The following PELI2 variants were observed in gnomAD, a reference collection of about 807,000 sequenced individuals.
PELI2 encodes pellino E3 ubiquitin protein ligase family member 2, also known as E3 ubiquitin-protein ligase pellino homolog 2.
PELI2 carries 23 observed loss-of-function variants against 42.3 expected under a neutral mutation model. The observed-to-expected ratio is 0.54, with a 90% CI of 0.39 to 0.77. The LOEUF is 0.77. Among genes scored for constraint, PELI2 ranks in the 30% least tolerant of loss-of-function variants. The pLI is 0.00. For synonymous variants in PELI2, 245 were observed against 212.2 expected (o/e 1.15, Z -1.34); for missense variants, 463 against 553.2 (o/e 0.84, Z 1.64).
In PELI2 at chr14:56,279,696, A is replaced by G. The variant is rs765837768; in HGVS notation, c.228A>G (p.Gln76=). The G allele has an allele frequency of 2.5e-6, 4 of 1,593,548 alleles. No homozygotes were observed. Among genetic ancestry groups the G allele is most frequent in the East Asian group, 2.2e-5 (1 of 44,486 alleles). The change falls in exon 3 of 6, where the codon CAA becomes CAG. Residue 76 remains glutamine (Q), a synonymous_variant. Transcript: ENST00000267460. ...ATTAGGCTATCAGCTGCAAAGGTCA[A>G]CACAGTATATCCTACACTTTGTCAA... ...QASKAISCKG[Q]HSISYTLSRN... is the part of the protein sequence containing the mutation.
intron 2 of PELI2, among the ~76,000 whole-genome samples, chr14:56,274,907 A>G (rs10483656): frequency 0.16 from 24,585 of 152,210 alleles, 2,169 homozygotes; most frequent in African/African-American, 0.2. Context: ...TTTTAACCTA[A>G]TAACATTTAT....
intron 2 of PELI2, among the ~76,000 whole-genome samples, chr14:56,252,613 AGAG>A (rs1192895824): frequency 2.0e-5 from 3 of 152,182 alleles, no homozygotes; most frequent in African/African-American, 7.2e-5. Context: ...GGTGAGAGGA[AGAG>A]GAGAACAGCT....
At chr14:56,146,606 CAG>C (rs1354048318) in intron 1 of PELI2, among the ~76,000 whole-genome samples, 2 of 152,128 alleles carry the variant, frequency 1.3e-5, no homozygotes, top group African/African-American at 4.8e-5. Context: ...GCAGGACTAA[CAG>C]AATGTACACA....
At chr14:56,196,285 G>T in intron 2 of PELI2, among the ~76,000 whole-genome samples, 1 of 152,082 alleles carries the variant, frequency 6.6e-6, no homozygotes, top group African/African-American at 2.4e-5. Flanking sequence ...CGGTGAAATT[G>T]TGAACCCTGA....
In PELI2 at chr14:56,118,568, T is replaced by C. The variant is rs958400055; in HGVS notation, c.-93T>C. ...CTTCCCCGGCGCGCTCACCCCGTTC[T>C]CGGGATGGGATTGTAGCGGCGGCGC... On this transcript the variant is annotated 5_prime_UTR_variant, in exon 1 of 6. Coordinates refer to ENST00000267460, the MANE Select transcript of PELI2 (RefSeq NM_021255.3). 2.8e-5 allele frequency: 22 copies of C among 797,754 alleles called. No individual in the cohort carries two copies. The African/African-American group carries it at 4.0e-4, about 15-fold the overall frequency. The allele number at this position is 797,754 out of a possible 1,614,324, so 49.4% of individuals were successfully genotyped here.
intron 3 of PELI2, among the ~76,000 whole-genome samples, chr14:56,282,158 G>A (rs971203682): frequency 6.6e-6 from 1 of 152,044 alleles, no homozygotes; most frequent in South Asian, 2.1e-4. Context: ...CAACCTAAAT[G>A]TTCTTCAGTA....
At chr14:56,255,972 G>T (rs1056825547) in intron 2 of PELI2, among the ~76,000 whole-genome samples, 3 of 152,088 alleles carry the variant, frequency 2.0e-5, no homozygotes, top group African/African-American at 7.2e-5. Context: ...ACTTTACAGG[G>T]TGCTCTTTGT....
At position 56,297,251 on chromosome 14, in the gene PELI2, C is replaced by G; in HGVS notation, c.*85C>G. The G allele has an allele frequency of 1.1e-6, 1 of 875,934 alleles. No homozygotes were observed. The highest frequency in any genetic ancestry group is 1.8e-6 in the Non-Finnish European group (1 of 569,286). 54.3% of individuals were successfully genotyped at this position (875,934 alleles called of 1,614,324 possible). ...CTCTAGATTTTACCTTTTTGTAATG[C>G]TGTTTATCAGAGGAGGGTGACAGGG... is the stretch of plus-strand genomic sequence containing the variant. On this transcript the variant is annotated 3_prime_UTR_variant, in exon 6 of 6. Coordinates refer to ENST00000267460, the MANE Select transcript of PELI2 (RefSeq NM_021255.3).
chr14:56,230,677 A>G (rs1378327545), intron 2 of PELI2, among the ~76,000 whole-genome samples: 1 of 152,232 alleles, frequency 6.6e-6, no homozygotes, highest in East Asian at 1.9e-4. Flanking sequence ...TGATGCTAGG[A>G]AGAAACTCCA....
In PELI2 at chr14:56,156,787, A is replaced by G. The variant is rs7154160; in HGVS notation, c.78-21548A>G. ...TGGCTGCATATGGCTAGTGGCTACT[A>G]TGTTGGACAATACGGATCTATACAA... is the stretch of plus-strand genomic sequence containing the variant. On this transcript the variant is annotated intron_variant, in intron 1 of 5. Coordinates refer to ENST00000267460, the MANE Select transcript of PELI2 (RefSeq NM_021255.3). Among the ~76,000 whole-genome samples, 1,152 of 152,300 alleles carry G rather than the reference A, an allele frequency of 7.6e-3. 17 individuals carry two copies. Among genetic ancestry groups the G allele is most frequent in the African/African-American group, 0.027 (1,102 of 41,560 alleles).
At chr14:56,172,339 G>C (rs1885208316) in intron 1 of PELI2, among the ~76,000 whole-genome samples, 1 of 152,220 alleles carries the variant, frequency 6.6e-6, no homozygotes, top group African/African-American at 2.4e-5. Context: ...GGCCTGCCCA[G>C]CATGGTGGTC....
rs530631114 is a variant in PELI2, at chr14:56,181,802, C to G, written c.207+3338C>G. Among the ~76,000 whole-genome samples, 4 of 152,006 alleles carry G rather than the reference C, an allele frequency of 2.6e-5. No individual in the cohort carries two copies. In the South Asian group the frequency reaches 8.3e-4, roughly 32 times the overall value. On this transcript the variant is annotated intron_variant, in intron 2 of 5. Transcript: ENST00000267460. ...GTGTTTATTCATGTATGTATTTGCT[C>G]TTAGAATAATACTCAGAGGTATTTC... is the stretch of plus-strand genomic sequence containing the variant.
chr14:56,206,780 C>T (rs1018886766), intron 2 of PELI2, among the ~76,000 whole-genome samples: 2 of 151,936 alleles, frequency 1.3e-5, no homozygotes, highest in Non-Finnish European at 2.9e-5. Flanking sequence ...GTTTATGGCT[C>T]TTATACACTG....
At chr14:56,272,422 C>G (rs1889138963) in intron 2 of PELI2, among the ~76,000 whole-genome samples, 1 of 141,412 alleles carries the variant, frequency 7.1e-6, no homozygotes, top group Middle Eastern at 3.4e-3. Context: ...AGGCATACCT[C>G]TTGGTATACA....
intron 2 of PELI2, among the ~76,000 whole-genome samples, chr14:56,236,641 G>A (rs180733917): frequency 8.5e-5 from 13 of 152,198 alleles, no homozygotes; most frequent in African/African-American, 3.1e-4. Context: ...AAGCCTATCT[G>A]GGGTAATTCT....
intron 1 of PELI2, among the ~76,000 whole-genome samples, chr14:56,148,400 A>G (rs995352234): frequency 5.9e-5 from 9 of 152,270 alleles, no homozygotes; most frequent in South Asian, 2.1e-4. Context: ...CAAATGTTCC[A>G]TGGTGTAAAA....
At chr14:56,228,860 C>T (rs1238040197) in intron 2 of PELI2, among the ~76,000 whole-genome samples, 1 of 152,202 alleles carries the variant, frequency 6.6e-6, no homozygotes, top group African/African-American at 2.4e-5. Flanking sequence ...CAAGGGAAGC[C>T]GTCACAGACG....
chr14:56,155,561 GT>G (rs1477334825), intron 1 of PELI2, among the ~76,000 whole-genome samples: 1 of 150,028 alleles, frequency 6.7e-6, no homozygotes, highest in Admixed American at 6.7e-5. Flanking sequence ...CTGGCTTTTG[GT>G]TTTTGTTCTC....
intron 1 of PELI2, among the ~76,000 whole-genome samples, chr14:56,157,552 CA>C (rs1344358863): frequency 6.6e-6 from 1 of 152,102 alleles, no homozygotes; most frequent in Non-Finnish European, 1.5e-5. Flanking sequence ...AAAAATCTCT[CA>C]GGGGTAATTG....
Sources: allele counts gnomAD v4.1 joint callset (sites outside exome capture counted in the v4.1 genomes callset), GRCh38; gene constraint gnomAD v4.1.1; transcripts MANE v1.5; gene names NCBI Gene and HGNC (gene_info 2026-07-23, HGNC 2026-07-21).